The following SPOCK3 variants were observed in gnomAD, a reference collection of about 807,000 sequenced individuals.
SPOCK3 encodes testican-3.
Under a neutral mutation model 56.6 loss-of-function variants are expected in SPOCK3, and 30 were observed. The ratio of observed to expected loss-of-function variants is 0.53; its 90% CI spans 0.40 to 0.72. The LOEUF is 0.72. Among genes scored for constraint, SPOCK3 ranks in the 30% least tolerant of loss-of-function variants. The pLI is 0.00. For missense variants in SPOCK3, 527 were observed against 530.0 expected, an observed-to-expected ratio of 0.99 and a Z score of 0.06; for synonymous variants, 196 against 183.3, an observed-to-expected ratio of 1.07 and a Z score of -0.56.
At chr4:167,201,490 C>T (rs1733511165) in intron 2 of SPOCK3, among the ~76,000 whole-genome samples, 1 of 151,852 alleles carries the variant, frequency 6.6e-6, no homozygotes, top group South Asian at 2.1e-4. Flanking sequence ...AATTGAAATC[C>T]TATTTATTAT....
rs189779072 is a variant in SPOCK3 at position 167,024,288 on chromosome 4, A to T, written c.236-23825T>A. Among the ~76,000 whole-genome samples, 10 of 152,222 alleles carry T rather than the reference A, an allele frequency of 6.6e-5. No homozygotes were observed. In the East Asian group the frequency reaches 1.9e-3, roughly 30 times the overall value. ...TGAAAATGACAGATTTGCTAAAAAAATTAAAAATGAGTTTAGAAATATCAT... is the reference window on the plus strand; with the variant it reads ...TGAAAATGACAGATTTGCTAAAAAATTTAAAAATGAGTTTAGAAATATCAT... On this transcript the variant is annotated intron_variant, in intron 3 of 10. Coordinates refer to ENST00000357545, the MANE Select transcript of SPOCK3 (RefSeq NM_001040159.2).
rs147015731 is a variant in SPOCK3 at position 166,847,647 on chromosome 4, TTA to T, written c.589+41481_589+41482del. ...CACAATTCAAAAGGAAAATCCTAGT[TTA>T]TATATATATATATATATATATATAT... On this transcript the variant is annotated intron_variant, in intron 6 of 10. Coordinates refer to ENST00000357545, the MANE Select transcript of SPOCK3 (RefSeq NM_001040159.2). Among the ~76,000 whole-genome samples the T allele has an allele frequency of 8.8e-3, 488 of 55,390 alleles. 17 individuals are homozygous for T. Among genetic ancestry groups the T allele is most frequent in the Non-Finnish European group, 0.014 (330 of 24,252 alleles). The allele number at this position is 55,390 out of a possible 152,430, so 36.3% of individuals were successfully genotyped here.
chr4:166,856,608 T>A (rs1413369984), intron 6 of SPOCK3, among the ~76,000 whole-genome samples: 1 of 152,078 alleles, frequency 6.6e-6, no homozygotes, highest in East Asian at 1.9e-4. Flanking sequence ...ACCCTGTCTT[T>A]ACTAAAACTA....
chr4:167,131,795 T>A (rs574832344), intron 2 of SPOCK3, among the ~76,000 whole-genome samples: 2 of 152,298 alleles, frequency 1.3e-5, no homozygotes, highest in East Asian at 3.9e-4. Context: ...AAAGCTTGAA[T>A]AGAATTTTTT....
intron 2 of SPOCK3, among the ~76,000 whole-genome samples, chr4:167,138,414 G>A (rs1242031621): frequency 6.6e-6 from 1 of 151,620 alleles, no homozygotes; most frequent in Non-Finnish European, 1.5e-5. Flanking sequence ...GATTTATATT[G>A]TCATTGAGAG....
At chr4:166,819,257 CAACT>C (rs1744681533) in intron 6 of SPOCK3, among the ~76,000 whole-genome samples, 2 of 151,986 alleles carry the variant, frequency 1.3e-5, no homozygotes, top group African/African-American at 2.4e-5. Context: ...AAATTACCTG[CAACT>C]AACATCATAA....
intron 2 of SPOCK3, among the ~76,000 whole-genome samples, chr4:167,106,695 A>C (rs1561220964): frequency 1.4e-5 from 2 of 143,890 alleles, no homozygotes; most frequent in Admixed American, 7.3e-5. Context: ...CAAAGGATCA[A>C]TGAAACAAAA....
chr4:167,077,894 T>C (rs973766247), intron 2 of SPOCK3, among the ~76,000 whole-genome samples: 3 of 151,814 alleles, frequency 2.0e-5, no homozygotes, highest in African/African-American at 7.3e-5. Flanking sequence ...GGAGGCAACA[T>C]GGAGAGGAAA....
intron 2 of SPOCK3, among the ~76,000 whole-genome samples, chr4:167,199,912 T>C (rs1561315150): frequency 6.6e-6 from 1 of 151,296 alleles, no homozygotes; most frequent in Non-Finnish European, 1.5e-5. Context: ...TAAAAAAATA[T>C]GTAATTACTA....
At chr4:166,825,735 C>T (rs760975679) in intron 6 of SPOCK3, among the ~76,000 whole-genome samples, 1 of 152,016 alleles carries the variant, frequency 6.6e-6, no homozygotes, top group African/African-American at 2.4e-5. Context: ...AAACAACAGC[C>T]TTGGCAACAA....
At chr4:166,867,565 A>G (rs943707587) in intron 6 of SPOCK3, among the ~76,000 whole-genome samples, 5 of 151,646 alleles carry the variant, frequency 3.3e-5, no homozygotes, top group Non-Finnish European at 7.4e-5. Context: ...TGGAAAAGTT[A>G]TTTGGCTAAA....
intron 5 of SPOCK3, among the ~76,000 whole-genome samples, chr4:166,899,924 C>T (rs1268057581): frequency 6.6e-6 from 1 of 152,130 alleles, no homozygotes; most frequent in Non-Finnish European, 1.5e-5. Context: ...AATGTAGGCC[C>T]AAAATCTTAT....
intron 8 of SPOCK3, among the ~76,000 whole-genome samples, chr4:166,753,874 C>T (rs1410635458): frequency 6.6e-6 from 1 of 151,828 alleles, no homozygotes; most frequent in African/African-American, 2.4e-5. Context: ...AGCCTGATTC[C>T]AATTTTACAT....
intron 6 of SPOCK3, among the ~76,000 whole-genome samples, chr4:166,877,333 T>G (rs529283331): frequency 6.6e-6 from 1 of 152,194 alleles, no homozygotes; most frequent in South Asian, 2.1e-4. Context: ...CATTCCTTGA[T>G]TATTCTTGCT....
intron 7 of SPOCK3, among the ~76,000 whole-genome samples, chr4:166,755,809 GT>G (rs56800508): frequency 0.58 from 84,693 of 146,098 alleles, 25,179 homozygotes; most frequent in African/African-American, 0.69. Flanking sequence ...TATTTTGATA[GT>G]TTTTTTTCTT....
intron 2 of SPOCK3, among the ~76,000 whole-genome samples, chr4:167,065,946 G>A (rs1370925645): frequency 1.3e-5 from 2 of 151,766 alleles, no homozygotes; most frequent in East Asian, 3.9e-4. Context: ...TGTTTCAAGA[G>A]GCAAAGTTGG....
intron 4 of SPOCK3, among the ~76,000 whole-genome samples, chr4:166,963,524 A>C (rs1425133717): frequency 6.6e-6 from 1 of 151,966 alleles, no homozygotes; most frequent in African/African-American, 2.4e-5. Context: ...AGGATTTTTG[A>C]GGCCTTCAAG....
intron 6 of SPOCK3, among the ~76,000 whole-genome samples, chr4:166,801,477 T>C (rs987566153): frequency 2.0e-5 from 3 of 152,122 alleles, no homozygotes; most frequent in Non-Finnish European, 4.4e-5. Context: ...GTGTCAAGAA[T>C]ATAGTTCCTA....
At chr4:166,796,798 T>G (rs1741986491) in intron 6 of SPOCK3, among the ~76,000 whole-genome samples, 1 of 152,190 alleles carries the variant, frequency 6.6e-6, no homozygotes, top group Non-Finnish European at 1.5e-5. Flanking sequence ...TGTTTAGGAA[T>G]TTTGATGGTC....
Sources: gnomAD v4.1 joint callset for allele counts (sites outside exome capture counted in the v4.1 genomes callset) on GRCh38, gnomAD v4.1.1 for gene constraint, MANE v1.5 for transcripts, NCBI Gene and HGNC (gene_info 2026-07-23, HGNC 2026-07-21) for gene names.